SKIDA1: variants seen among roughly 807,000 people sequenced by gnomAD.
SKIDA1 encodes the protein SKI/DACH domain-containing protein 1.
Under a neutral mutation model 51.4 loss-of-function variants are expected in SKIDA1, and 18 were observed. The observed-to-expected ratio is 0.35, with a 90% CI of 0.24 to 0.52. The LOEUF (loss-of-function observed/expected upper bound fraction) is 0.52. SKIDA1 is among the 20% of genes least tolerant of loss of function. SKIDA1 has a pLI of 0.95. For missense variants in SKIDA1, 1,104 were observed against 1,180.6 expected (o/e 0.94, Z 0.95); for synonymous variants, 579 against 500.5 (o/e 1.16, Z -2.09).
In SKIDA1 at chr10:21,516,860, A is replaced by T. The variant is rs1263401016; in HGVS notation, c.963T>A (p.Thr321=). 2.2e-6 allele frequency: 3 copies of T among 1,349,148 alleles called. No homozygotes were observed. In the Admixed American group the frequency reaches 1.0e-4, roughly 46 times the overall value. The allele number at this position is 1,349,148 out of a possible 1,614,324, so 83.6% of individuals were successfully genotyped here. The change falls in exon 4 of 4, where the codon ACT becomes ACA. Residue 321 remains threonine, a synonymous_variant. Coordinates refer to ENST00000449193, the MANE Select transcript of SKIDA1 (RefSeq NM_207371.4). The surrounding 1 kb of genome is among the most constrained non-coding windows in gnomAD (Gnocchi z 5.7). The stretch of plus-strand genomic sequence containing the variant: ...TGACCAGATGAAACCTCTCCAGGCA[A>T]GTGGCCCCCGCGGCGGCCGCCGCCG... The part of the protein sequence containing the change: ...AAAAAAAAGA[T]CLERFHLVNG...
In SKIDA1 at chr10:21,517,090, AGGC is replaced by A. The variant is rs528652346; in HGVS notation, c.730_732del (p.Ala244del). 2.2e-3 allele frequency: 2,143 copies of A among 980,174 alleles called. 4 individuals are homozygous for A. The highest frequency in any genetic ancestry group is 3.8e-3 in the East Asian group (30 of 7,862). 60.7% of individuals were successfully genotyped at this position (980,174 alleles called of 1,614,324 possible). On this transcript the variant is annotated inframe_deletion, in exon 4 of 4. Transcript: ENST00000449193. This position sits in a 1 kb window ranked among gnomAD's most constrained non-coding sequence, Gnocchi z 6.9. ...GGCCCGGCCGCCGATACCTGGTAAT[AGGC>A]GGCGGCGGCGGCGGCGGCGGCGGCG...
rs1272027740 is a variant in SKIDA1 at position 21,517,448 on chromosome 10, G to C, written c.375C>G (p.Ala125=). The part of the protein sequence containing the change: ...KAPPPERAAA[A]SPRPGFWKDK... ...CCTTCCAAAATCCCGGGCGGGGGCT[G>C]GCGGCAGCGGCGCGCTCTGGCGGCG... Residue 125 remains alanine (A), a synonymous_variant, in exon 4 of 4, where the codon GCC becomes GCG. Coordinates refer to ENST00000449193, the MANE Select transcript of SKIDA1 (RefSeq NM_207371.4). The surrounding 1 kb of genome is among the most constrained non-coding windows in gnomAD (Gnocchi z 6.9). The C allele has an allele frequency of 6.6e-7, 1 of 1,508,352 alleles. No individual in the cohort carries two copies. Among genetic ancestry groups the C allele is most frequent in the African/African-American group, 1.4e-5 (1 of 70,530 alleles). 93.4% of individuals were successfully genotyped at this position (1,508,352 alleles called of 1,614,324 possible).
chr10:21,517,333 G>T lies in SKIDA1; in HGVS notation c.490C>A (p.Arg164Ser), dbSNP rs935005454. The change falls in exon 4 of 4, where the codon CGC (arginine) becomes AGC (serine). Residue 164 changes from arginine (R) to serine (S), a missense_variant. This residue lies in a region of SKIDA1 where 938 missense variants were observed against 886.4 expected (regional missense o/e 1.06). Coordinates refer to ENST00000449193, the MANE Select transcript of SKIDA1 (RefSeq NM_207371.4). This position sits in a 1 kb window ranked among gnomAD's most constrained non-coding sequence, Gnocchi z 6.9. Reference protein sequence around the residue: ...QSQRPGAAAARPAAHLPQIFS... With the variant: ...QSQRPGAAAASPAAHLPQIFS... ...ATCTGAGGTAGATGGGCGGCGGGGC[G>T]CGCGGCGGCGGCGCCCGGGCGCTGG... The T allele has an allele frequency of 3.4e-5, 48 of 1,424,818 alleles. 1 individual carries two copies. In the Admixed American group the frequency reaches 1.4e-3, roughly 41 times the overall value. 88.3% of individuals were successfully genotyped at this position (1,424,818 alleles called of 1,614,324 possible).
intron 1 of SKIDA1, among the ~76,000 whole-genome samples, chr10:21,525,078 G>C (rs1373357824): frequency 1.3e-5 from 2 of 152,216 alleles, no homozygotes; most frequent in Non-Finnish European, 2.9e-5. Flanking sequence ...CAAAGCCCAA[G>C]AAATACCCTT....
Position 21,518,801 on chromosome 10 carries a change from C to T in SKIDA1, c.-979G>A, listed in dbSNP as rs1485030769. 2.4e-5 allele frequency: 4 copies of T among 166,040 alleles called. No individual in the cohort carries two copies. The highest frequency in any genetic ancestry group is 5.9e-5 in the Non-Finnish European group (4 of 68,012). 10.3% of individuals were successfully genotyped at this position (166,040 alleles called of 1,614,324 possible). A position where few individuals can be genotyped will look rare whatever the true frequency, so the allele number is the denominator to read the frequency against. On this transcript the variant is annotated 5_prime_UTR_variant, in exon 4 of 4. Transcript: ENST00000449193. ...GGGAGCTCCAAAGTTAAACCCGCCC[C>T]GTGAACCACCCCAGTGCGGACTTAC... is the stretch of plus-strand genomic sequence containing the variant.
rs752995025 is a variant in SKIDA1 at position 21,516,230 on chromosome 10, C to T, written c.1593G>A (p.Pro531=). Reference sequence around the variant, plus strand: ...TCCCCAGGCTGGCCGGGCAGTACACCGGAGATGCTTTGGGGGCCCAGCTCT... The same window carrying T: ...TCCCCAGGCTGGCCGGGCAGTACACTGGAGATGCTTTGGGGGCCCAGCTCT... ...NLQSWAPKAS[P]VYCPASLGSC... is the part of the protein sequence containing the mutation. Residue 531 remains proline (P), a synonymous_variant, in exon 4 of 4, where the codon CCG becomes CCA. Coordinates refer to ENST00000449193, the MANE Select transcript of SKIDA1 (RefSeq NM_207371.4). This position sits in a 1 kb window ranked among gnomAD's most constrained non-coding sequence, Gnocchi z 5.7. The T allele has an allele frequency of 8.1e-6, 13 of 1,613,924 alleles. No homozygotes were observed. The Admixed American group carries it at 1.0e-4, about 12-fold the overall frequency.
At position 21,516,090 on chromosome 10, in the gene SKIDA1, G is replaced by C; in HGVS notation, c.1733C>G (p.Ala578Gly). The change falls in exon 4 of 4, where the codon GCC (alanine) becomes GGC (glycine). Residue 578 changes from alanine to glycine, a missense_variant. Physicochemically the swap from Ala to Gly is moderately conservative, Grantham distance 60. Coordinates refer to ENST00000449193, the MANE Select transcript of SKIDA1 (RefSeq NM_207371.4). This position sits in a 1 kb window ranked among gnomAD's most constrained non-coding sequence, Gnocchi z 5.7. ...GTTTGTCTTTGGGCTAGGTGAAGAG[G>C]CCCCCTCTGCCAGGCAGTTAATTGT... ...DLTINCLAEGASSPSPKTNNA... is the reference protein window; with the variant it reads ...DLTINCLAEGGSSPSPKTNNA... 1 of 1,613,984 alleles carries C rather than the reference G, an allele frequency of 6.2e-7. No individual in the cohort carries two copies. The highest frequency in any genetic ancestry group is 8.5e-7 in the Non-Finnish European group (1 of 1,179,884).
chr10:21,517,214 G>A lies in SKIDA1; in HGVS notation c.609C>T (p.Asn203=), dbSNP rs767145419. ...LNYETAPLQG[N]YVAFPSDPAY... is the part of the protein sequence containing the mutation. The stretch of plus-strand genomic sequence containing the variant: ...CAGGGTCCGAGGGGAAGGCGACGTA[G>A]TTTCCCTGGAGCGGGGCAGTTTCAT... The change falls in exon 4 of 4, where the codon AAC becomes AAT. Residue 203 remains asparagine (N), a synonymous_variant. Transcript: ENST00000449193. The surrounding 1 kb of genome is among the most constrained non-coding windows in gnomAD (Gnocchi z 6.9). 59 of 1,455,988 alleles carry A rather than the reference G, an allele frequency of 4.1e-5. 2 individuals carry two copies. The South Asian group carries it at 7.9e-4, about 20-fold the overall frequency. The allele number at this position is 1,455,988 out of a possible 1,614,324, so 90.2% of individuals were successfully genotyped here. A position where few individuals can be genotyped will look rare whatever the true frequency, so the allele number is the denominator to read the frequency against.
rs1172113482 is a variant in SKIDA1 at position 21,517,495 on chromosome 10, G to C, written c.328C>G (p.Arg110Gly). 7 of 1,552,624 alleles carry C rather than the reference G, an allele frequency of 4.5e-6. No individual in the cohort carries two copies. The highest frequency in any genetic ancestry group is 2.4e-5 in the East Asian group (1 of 41,142). ...GGCGGCGCCTTTGTGGCCAGGGCCC[G>C]GCCGACCCGCCTGCGCTTGGTCTTG... ...VLKTKRRRVG[R>G]ALATKAPPPE... The change falls in exon 4 of 4, where the codon CGG becomes GGG. Residue 110 changes from arginine to glycine, a missense_variant. Physicochemically the swap from Arg to Gly is moderately radical, Grantham distance 125. Coordinates refer to ENST00000449193, the MANE Select transcript of SKIDA1 (RefSeq NM_207371.4). This position sits in a 1 kb window ranked among gnomAD's most constrained non-coding sequence, Gnocchi z 6.9.
At chr10:21,520,445 T>A (rs913051959) in intron 3 of SKIDA1, among the ~76,000 whole-genome samples, 1 of 151,510 alleles carries the variant, frequency 6.6e-6, no homozygotes, top group African/African-American at 2.4e-5. Flanking sequence ...GATGCACTTA[T>A]ATAGTACTGC....
rs1471687642 is a variant in SKIDA1, at chr10:21,517,395, C to T, written c.428G>A (p.Ser143Asn). Residue 143 changes from serine to asparagine, a missense_variant, in exon 4 of 4, where the codon AGC becomes AAC. Ser to Asn is a conservative substitution (Grantham distance 46). Coordinates refer to ENST00000449193, the MANE Select transcript of SKIDA1 (RefSeq NM_207371.4). The surrounding 1 kb of genome is among the most constrained non-coding windows in gnomAD (Gnocchi z 6.9). ...GATTGGCAGGGGCCGCGCGGCTCCG[C>T]TCAGGCCCCGCCAAAGTTGGTGCTT... ...KDKHQLWRGL[S>N]GAARPLPISA... is the part of the protein sequence containing the mutation. 2.0e-5 allele frequency: 29 copies of T among 1,456,252 alleles called. No homozygotes were observed. The highest frequency in any genetic ancestry group is 4.2e-4 in the Middle Eastern group (2 of 4,720). The allele number at this position is 1,456,252 out of a possible 1,614,324, so 90.2% of individuals were successfully genotyped here. A position where few individuals can be genotyped will look rare whatever the true frequency, so the allele number is the denominator to read the frequency against.
chr10:21,524,880 C>A (rs2032615207), intron 1 of SKIDA1: 2 of 152,082 alleles, frequency 1.3e-5, no homozygotes, highest in African/African-American at 4.8e-5. Flanking sequence ...CCGTTTCAAG[C>A]CAAAAAGCTT....
At position 21,515,496 on chromosome 10, in the gene SKIDA1, C is replaced by A; in HGVS notation, c.2327G>T (p.Arg776Met). 3 of 1,614,018 alleles carry A rather than the reference C, an allele frequency of 1.9e-6. No homozygotes were observed. The highest frequency in any genetic ancestry group is 2.5e-6 in the Non-Finnish European group (3 of 1,179,902). ...PEDGEYKFGA[R>M]VRKNYRTLVL... ...TAGTGTCCGGTAATTTTTTCTCACC[C>A]TGGCACCAAATTTATATTCCCCATC... Residue 776 changes from arginine (R) to methionine (M), a missense_variant, in exon 4 of 4, where the codon AGG (arginine) becomes ATG (methionine). Coordinates refer to ENST00000449193, the MANE Select transcript of SKIDA1 (RefSeq NM_207371.4).
Position 21,514,334 on chromosome 10 carries a change from G to A in SKIDA1, c.*762C>T, listed in dbSNP as rs966394266. 3 of 151,742 alleles carry A rather than the reference G, an allele frequency of 2.0e-5. No individual in the cohort carries two copies. The highest frequency in any genetic ancestry group is 7.3e-5 in the African/African-American group (3 of 41,304). 9.4% of individuals were successfully genotyped at this position (151,742 alleles called of 1,614,324 possible). A position where few individuals can be genotyped will look rare whatever the true frequency, so the allele number is the denominator to read the frequency against. ...GTCACCTTATTTAAAACCTTTGGGT[G>A]AGAACACAAAACAGACTTTTCCTGT... On this transcript the variant is annotated 3_prime_UTR_variant, in exon 4 of 4. Coordinates refer to ENST00000449193, the MANE Select transcript of SKIDA1 (RefSeq NM_207371.4).
In SKIDA1 at chr10:21,516,262, T is replaced by G. The variant is rs372139891; in HGVS notation, c.1561A>C (p.Asn521His). Residue 521 changes from asparagine (N) to histidine (H), a missense_variant, in exon 4 of 4, where the codon AAT becomes CAT. This residue lies in a region of SKIDA1 where 938 missense variants were observed against 886.4 expected (regional missense o/e 1.06). Transcript: ENST00000449193. The surrounding 1 kb of genome is among the most constrained non-coding windows in gnomAD (Gnocchi z 5.7). ...GCTTTGGGGGCCCAGCTCTGCAGAT[T>G]CCACTCCGCCGGCGACTCCGCTTTG... ...SVKAESPAEW[N>H]LQSWAPKASP... 1.2e-6 allele frequency: 2 copies of G among 1,613,992 alleles called. No individual in the cohort carries two copies. The highest frequency in any genetic ancestry group is 1.7e-6 in the Non-Finnish European group (2 of 1,179,892).
At position 21,515,778 on chromosome 10, in the gene SKIDA1, AG is replaced by A; in HGVS notation, c.2044del (p.Leu682CysfsTer8). ...TDTGDKTLPF[L>X]HNIKIKVEDS... ...TTCTACTTTGATTTTAATATTGTGC[AG>A]AAATGGCAATGTCTTGTCGCCTGTG... is the stretch of plus-strand genomic sequence containing the variant. On this transcript the variant is annotated frameshift_variant, in exon 4 of 4. Transcript: ENST00000449193. LOFTEE classifies it high-confidence loss of function. The A allele has an allele frequency of 6.2e-7, 1 of 1,614,028 alleles. No homozygotes were observed. Among genetic ancestry groups the A allele is most frequent in the Non-Finnish European group, 8.5e-7 (1 of 1,179,910 alleles).
rs766276091 is a variant in SKIDA1 at position 21,515,305 on chromosome 10, C to T, written c.2518G>A (p.Val840Met). 3 of 1,614,006 alleles carry T rather than the reference C, an allele frequency of 1.9e-6. No individual in the cohort carries two copies. The highest frequency in any genetic ancestry group is 2.5e-6 in the Non-Finnish European group (3 of 1,179,896). The stretch of plus-strand genomic sequence containing the variant: ...GCCATGAAATGAAATGGCCTTTTCA[C>T]TGCTGATGCTACATTGCTGGCTACC... Reference protein sequence around the residue: ...KKVASNVASAVKRPFHFMANF... With the variant: ...KKVASNVASAMKRPFHFMANF... The change falls in exon 4 of 4, where the codon GTG becomes ATG. Residue 840 changes from valine (V) to methionine (M), a missense_variant. This residue lies in a region of SKIDA1 where 112 missense variants were observed against 168.3 expected (regional missense o/e 0.67). Transcript: ENST00000449193.
rs1336682154 is a variant in SKIDA1, at chr10:21,516,949, G to C, written c.874C>G (p.Leu292Val). The change falls in exon 4 of 4, where the codon CTG becomes GTG. Residue 292 changes from leucine to valine, a missense_variant. Transcript: ENST00000449193. The surrounding 1 kb of genome is among the most constrained non-coding windows in gnomAD (Gnocchi z 5.7). Reference protein sequence around the residue: ...LLAPHAGARRLLLLPRSYKAK... With the variant: ...LLAPHAGARRVLLLPRSYKAK... The stretch of plus-strand genomic sequence containing the variant: ...TTGTAGGACCTGGGCAACAGCAGCA[G>C]GCGCCGCGCGCCGGCGTGAGGCGCG... The C allele has an allele frequency of 6.1e-6, 7 of 1,150,916 alleles. No individual in the cohort carries two copies. Among genetic ancestry groups the C allele is most frequent in the East Asian group, 5.7e-5 (1 of 17,576 alleles). 71.3% of individuals were successfully genotyped at this position (1,150,916 alleles called of 1,614,324 possible). A position where few individuals can be genotyped will look rare whatever the true frequency, so the allele number is the denominator to read the frequency against.
rs982516203 is a variant in SKIDA1, at chr10:21,516,736, G to A, written c.1087C>T (p.Pro363Ser). The part of the protein sequence containing the change: ...AQPPQQSHHP[P>S]HHHRPQPHLG... ...TGGGGCTGCGGCCGGTGGTGGTGAG[G>A]GGGGTGGTGACTCTGCTGCGGCGGC... Residue 363 changes from proline (P) to serine (S), a missense_variant, in exon 4 of 4, where the codon CCT (proline) becomes TCT (serine). Pro to Ser is a moderately conservative substitution (Grantham distance 74, BLOSUM62 -1). Around this residue, in one of 3 missense-constraint regions of SKIDA1, gnomAD observed 938 missense variants for 886.4 expected, o/e 1.06. Coordinates refer to ENST00000449193, the MANE Select transcript of SKIDA1 (RefSeq NM_207371.4). The surrounding 1 kb of genome is among the most constrained non-coding windows in gnomAD (Gnocchi z 5.7). 2.6e-6 allele frequency: 4 copies of A among 1,549,964 alleles called. No homozygotes were observed. Among genetic ancestry groups the A allele is most frequent in the South Asian group, 2.4e-5 (2 of 83,980 alleles).
Sources: gnomAD v4.1 joint callset for allele counts (sites outside exome capture counted in the v4.1 genomes callset) on GRCh38, gnomAD v4.1.1 for gene constraint, gnomAD v4.1.1 regional missense constraint, Gnocchi (gnomAD v3.1) non-coding constraint, MANE v1.5 for transcripts, NCBI Gene and HGNC (gene_info 2026-07-23, HGNC 2026-07-21) for gene names.